KCNH7: variants seen among roughly 807,000 people sequenced by gnomAD.
KCNH7 encodes the protein voltage-gated inwardly rectifying potassium channel KCNH7.
In KCNH7, 49 loss-of-function variants were observed where a neutral mutation model predicts 120.8. The ratio of observed to expected loss-of-function variants is 0.41; its 90% CI spans 0.32 to 0.51. The LOEUF (loss-of-function observed/expected upper bound fraction) is 0.51. Ranked by LOEUF, KCNH7 falls within the 20% of genes least tolerant of loss-of-function variation. KCNH7 has a pLI of 0.38. For synonymous variants in KCNH7, 547 were observed against 516.1 expected, an observed-to-expected ratio of 1.06 and a Z score of -0.81; for missense variants, 1,097 against 1,446.6, an observed-to-expected ratio of 0.76 and a Z score of 3.92.
intron 5 of KCNH7, 51 bp downstream of exon 5, chr2:162,512,603 G>A (rs368343558): frequency 7.1e-6 from 11 of 1,559,520 alleles, no homozygotes; most frequent in Admixed American, 5.1e-5. Flanking sequence ...AACATGCCGA[G>A]TAAAGGGGCA....
intron 2 of KCNH7, among the ~76,000 whole-genome samples, chr2:162,682,856 T>C (rs1415774771): frequency 4.0e-5 from 6 of 151,806 alleles, no homozygotes; most frequent in Non-Finnish European, 8.8e-5. Context: ...AACCATAATT[T>C]CCTAAATGTT....
intron 5 of KCNH7, among the ~76,000 whole-genome samples, chr2:162,506,913 C>A (rs1224008249): frequency 1.3e-5 from 2 of 151,794 alleles, no homozygotes; most frequent in Non-Finnish European, 2.9e-5. Flanking sequence ...TGTCACAATT[C>A]GCCTGCCTTA....
At chr2:162,579,494 T>G (rs565267590) in intron 2 of KCNH7, among the ~76,000 whole-genome samples, 1 of 152,146 alleles carries the variant, frequency 6.6e-6, no homozygotes, top group South Asian at 2.1e-4. Context: ...TTTTCCTCAG[T>G]TTCAGTGAGT....
At chr2:162,771,624 T>G (rs1167170633) in intron 2 of KCNH7, among the ~76,000 whole-genome samples, 1 of 152,164 alleles carries the variant, frequency 6.6e-6, no homozygotes, top group Non-Finnish European at 1.5e-5. Context: ...AACTTTAATA[T>G]GAAAAGTATT....
At chr2:162,646,711 T>C (rs1008086511) in intron 2 of KCNH7, among the ~76,000 whole-genome samples, 2 of 152,128 alleles carry the variant, frequency 1.3e-5, no homozygotes, top group African/African-American at 4.8e-5. Flanking sequence ...GGGTGATTTC[T>C]AGGAGCAGAC....
chr2:162,692,450 C>A (rs1165963401), intron 2 of KCNH7, among the ~76,000 whole-genome samples: 1 of 152,094 alleles, frequency 6.6e-6, no homozygotes, highest in Admixed American at 6.6e-5. Context: ...ACACACCACA[C>A]ACAAACATAC....
intron 5 of KCNH7, among the ~76,000 whole-genome samples, chr2:162,507,188 G>A (rs1286334758): frequency 1.3e-5 from 2 of 151,676 alleles, no homozygotes; most frequent in Admixed American, 1.3e-4. Flanking sequence ...CATTTGAGTA[G>A]CCAATAGAAT....
intron 2 of KCNH7, among the ~76,000 whole-genome samples, chr2:162,783,413 G>C (rs1337515947): frequency 6.6e-6 from 1 of 152,118 alleles, no homozygotes; most frequent in African/African-American, 2.4e-5. Flanking sequence ...GAAAATATTG[G>C]CAAGCCTGGA....
intron 2 of KCNH7, among the ~76,000 whole-genome samples, chr2:162,698,463 G>GT (rs1174682395): frequency 2.0e-5 from 3 of 148,070 alleles, no homozygotes; most frequent in Non-Finnish European, 1.5e-5. Context: ...CATTGCATGA[G>GT]TTTTTTTCAG....
At chr2:162,617,340 G>T (rs1340513626) in intron 2 of KCNH7, among the ~76,000 whole-genome samples, 1 of 152,082 alleles carries the variant, frequency 6.6e-6, no homozygotes. Context: ...TTAGCCGGGC[G>T]TGGTGGCGGG....
chr2:162,666,265 C>T (rs545315819), intron 2 of KCNH7, among the ~76,000 whole-genome samples: 15 of 152,168 alleles, frequency 9.9e-5, no homozygotes, highest in African/African-American at 1.9e-4. Context: ...CTTCCAACAG[C>T]GCTAGAAGCT....
intron 6 of KCNH7, among the ~76,000 whole-genome samples, chr2:162,503,357 C>T (rs1690755167): frequency 1.3e-5 from 2 of 151,948 alleles, no homozygotes; most frequent in African/African-American, 2.4e-5. Context: ...GTAAACTGTT[C>T]ATTTACCCAT....
In KCNH7 at chr2:162,495,007, T is replaced by C. The variant is rs530505995; in HGVS notation, c.1128+9436A>G. Among the ~76,000 whole-genome samples the C allele has an allele frequency of 1.8e-4, 28 of 152,356 alleles. No homozygotes were observed. In the South Asian group the frequency reaches 4.3e-3, roughly 24 times the overall value. ...TAGAGCCTTTAATAATTGAGTAAGC[T>C]ATACTCCTGTGAACAAAATTTTGAG... On this transcript the variant is annotated intron_variant, in intron 6 of 15. Coordinates refer to ENST00000332142, the MANE Select transcript of KCNH7 (RefSeq NM_033272.4).
At chr2:162,674,492 C>T (rs1365980760) in intron 2 of KCNH7, among the ~76,000 whole-genome samples, 1 of 151,520 alleles carries the variant, frequency 6.6e-6, no homozygotes, top group Non-Finnish European at 1.5e-5. Context: ...AATTAAAAAG[C>T]TTATTCTTAG....
chr2:162,616,373 A>G (rs1263462841), intron 2 of KCNH7, among the ~76,000 whole-genome samples: 1 of 152,240 alleles, frequency 6.6e-6, no homozygotes, highest in Non-Finnish European at 1.5e-5. Context: ...AGAAAAATAA[A>G]TCACACGATT....
At chr2:162,726,201 T>A (rs1338118897) in intron 2 of KCNH7, among the ~76,000 whole-genome samples, 1 of 152,156 alleles carries the variant, frequency 6.6e-6, no homozygotes. Context: ...TTTTAAACAG[T>A]ATTTTAAACT....
At chr2:162,743,575 C>G (rs1017598627) in intron 2 of KCNH7, among the ~76,000 whole-genome samples, 1 of 152,002 alleles carries the variant, frequency 6.6e-6, no homozygotes, top group Non-Finnish European at 1.5e-5. Flanking sequence ...CATAGAATAC[C>G]AGATTTATCA....
chr2:162,456,119 A>T (rs1040581575), intron 6 of KCNH7, among the ~76,000 whole-genome samples: 4 of 151,978 alleles, frequency 2.6e-5, no homozygotes, highest in Non-Finnish European at 1.5e-5. Flanking sequence ...TGTGTCCCAG[A>T]GATTCTGGTA....
chr2:162,756,508 C>T lies in KCNH7; in HGVS notation c.307+80029G>A, dbSNP rs78198719. ...TTGAGACAGAATCTCATTCTGTCAC[C>T]CAGGTTGCAGTGCAGTGGCACATTC... On this transcript the variant is annotated intron_variant, in intron 2 of 15. Transcript: ENST00000332142. Among the ~76,000 whole-genome samples, 329 of 152,184 alleles carry T rather than the reference C, an allele frequency of 2.2e-3. 1 individual carries two copies. The highest frequency in any genetic ancestry group is 7.7e-3 in the African/African-American group (321 of 41,522).
Sources: gnomAD v4.1 joint callset for allele counts (sites outside exome capture counted in the v4.1 genomes callset) on GRCh38, gnomAD v4.1.1 for gene constraint, MANE v1.5 for transcripts, NCBI Gene and HGNC (gene_info 2026-07-23, HGNC 2026-07-21) for gene names.